The following UNC13B variants were observed in gnomAD, a reference collection of about 807,000 sequenced individuals.
The protein encoded by UNC13B is protein unc-13 homolog B.
Under a neutral mutation model 211.0 loss-of-function variants are expected in UNC13B, and 144 were observed. The observed-to-expected ratio is 0.68, with a 90% CI of 0.60 to 0.78. The LOEUF (loss-of-function observed/expected upper bound fraction) is 0.78, where lower values mean the gene tolerates loss of function less well. Ranked by LOEUF, UNC13B falls within the 30% of genes least tolerant of loss-of-function variation. The pLI is 0.00. For synonymous variants in UNC13B, 709 were observed against 725.8 expected (o/e 0.98, Z 0.37); for missense variants, 1,777 against 2,002.0 (o/e 0.89, Z 2.14).
intron 11 of UNC13B, among the ~76,000 whole-genome samples, chr9:35,362,799 CAAA>C (rs36011341): frequency 3.0e-5 from 3 of 98,824 alleles, no homozygotes; most frequent in African/African-American, 7.2e-5. Flanking sequence ...GACTCCGTCT[CAAA>C]AAAAAAAAAA....
intron 11 of UNC13B, among the ~76,000 whole-genome samples, chr9:35,359,814 C>G (rs1389142003): frequency 1.3e-5 from 2 of 152,192 alleles, no homozygotes; most frequent in African/African-American, 2.4e-5. Flanking sequence ...CTGCAGTGGT[C>G]TCACTGCTCT....
intron 1 of UNC13B, among the ~76,000 whole-genome samples, chr9:35,170,899 G>T (rs1353263460): frequency 6.6e-6 from 1 of 151,932 alleles, no homozygotes; most frequent in Non-Finnish European, 1.5e-5. Context: ...CCTCAATCTT[G>T]CCAAGCTCAG....
chr9:35,240,379 A>G (rs922862044), intron 5 of UNC13B, among the ~76,000 whole-genome samples: 1 of 152,132 alleles, frequency 6.6e-6, no homozygotes, highest in Non-Finnish European at 1.5e-5. Context: ...CTTGTATCCT[A>G]TGGTGATTTA....
rs1337561821 is a variant in UNC13B, at chr9:35,310,549, G to A, written c.9091G>A (p.Glu3031Lys). The A allele has an allele frequency of 5.6e-6, 9 of 1,614,062 alleles. No individual in the cohort carries two copies. The highest frequency in any genetic ancestry group is 1.7e-5 in the Admixed American group (1 of 59,986). ...SQLSELDQYH[E>K]QDDDHRETDS... ...GCTAAGTGAACTAGACCAGTATCAC[G>A]AACAAGATGACGACCATCGGGAGAC... Residue 3031 changes from glutamate to lysine, a missense_variant, in exon 10 of 40, where the codon GAA becomes AAA. Glu to Lys is a moderately conservative substitution (Grantham distance 56). Transcript: ENST00000635942.
At chr9:35,340,817 T>C (rs1201269694) in intron 11 of UNC13B, among the ~76,000 whole-genome samples, 1 of 152,202 alleles carries the variant, frequency 6.6e-6, no homozygotes, top group East Asian at 1.9e-4. Context: ...GTTTTTCATG[T>C]CCTATGGTTG....
In UNC13B at chr9:35,183,227, C is replaced by G. The variant is rs1221053053; in HGVS notation, c.22+20922C>G. Among the ~76,000 whole-genome samples the G allele has an allele frequency of 1.0e-3, 128 of 123,536 alleles. 1 individual carries two copies. The highest frequency in any genetic ancestry group is 6.3e-3 in the Middle Eastern group (1 of 160). 81.0% of individuals were successfully genotyped at this position (123,536 alleles called of 152,430 possible). A position where few individuals can be genotyped will look rare whatever the true frequency, so the allele number is the denominator to read the frequency against. On this transcript the variant is annotated intron_variant, in intron 1 of 39. Transcript: ENST00000635942. ...ATGGGCGGTCGGGCAGAGGCGCTCC[C>G]CACCTCCCAGACGAAGGGCGGCCGG...
chr9:35,260,113 G>A (rs1266175684), intron 7 of UNC13B, among the ~76,000 whole-genome samples: 1 of 150,810 alleles, frequency 6.6e-6, no homozygotes, highest in Non-Finnish European at 1.5e-5. Context: ...GGGAGGCTGA[G>A]GTGGGAGGAT....
intron 7 of UNC13B, among the ~76,000 whole-genome samples, chr9:35,264,039 A>T (rs892194025): frequency 6.6e-6 from 1 of 152,220 alleles, no homozygotes; most frequent in Non-Finnish European, 1.5e-5. Context: ...ATTGTTGCTG[A>T]AACAAATACC....
At chr9:35,280,997 T>C (rs1199183787) in intron 7 of UNC13B, among the ~76,000 whole-genome samples, 1 of 152,086 alleles carries the variant, frequency 6.6e-6, no homozygotes, top group African/African-American at 2.4e-5. Flanking sequence ...CTTCTTGTTA[T>C]AGGTTTCATT....
intron 11 of UNC13B, among the ~76,000 whole-genome samples, chr9:35,347,163 G>C (rs540684819): frequency 6.6e-6 from 1 of 152,154 alleles, no homozygotes; most frequent in Non-Finnish European, 1.5e-5. Flanking sequence ...GCCTCCCAAA[G>C]TGTTGTGATT....
At position 35,385,636 on chromosome 9, in the gene UNC13B, T is replaced by A; in HGVS notation, c.10876-88T>A. On this transcript the variant is annotated intron_variant, in intron 22 of 39. Coordinates refer to ENST00000635942, the MANE Select transcript of UNC13B (RefSeq NM_001371189.2). ...TAGAGAAAAACCCAGTAGGTAACAA[T>A]TAGGGAAGCTTTTGATATCATCACT... 6 of 1,481,080 alleles carry A rather than the reference T, an allele frequency of 4.1e-6. No individual in the cohort carries two copies. The South Asian group carries it at 7.3e-5, about 18-fold the overall frequency. 91.7% of individuals were successfully genotyped at this position (1,481,080 alleles called of 1,614,324 possible). A position where few individuals can be genotyped will look rare whatever the true frequency, so the allele number is the denominator to read the frequency against.
intron 7 of UNC13B, among the ~76,000 whole-genome samples, chr9:35,279,623 G>T (rs1404790589): frequency 6.6e-6 from 1 of 152,118 alleles, no homozygotes; most frequent in Non-Finnish European, 1.5e-5. Context: ...TACTGAAATT[G>T]ATATTTTATA....
In UNC13B at chr9:35,327,783, C is replaced by T. The variant is rs530413102; in HGVS notation, c.9414+13794C>T. 2.6e-5 allele frequency among the ~76,000 whole-genome samples: 4 copies of T among 152,324 alleles called. No individual in the cohort carries two copies. In the South Asian group the frequency reaches 8.3e-4, roughly 32 times the overall value. On this transcript the variant is annotated intron_variant, in intron 11 of 39. Transcript: ENST00000635942. ...CCGTCAATGAAAGCATGTTCTGGAG[C>T]ATTGCAGCCATGAAAGCATGTTCTG...
chr9:35,352,698 T>A (rs758420253), intron 11 of UNC13B: 1 of 1,231,974 alleles, frequency 8.1e-7, no homozygotes, highest in African/African-American at 1.6e-5. Flanking sequence ...GTGCCCAAGC[T>A]AGGGGATGAA....
intron 11 of UNC13B, 126 bp downstream of exon 11, chr9:35,314,115 T>C: frequency 1.3e-6 from 1 of 784,180 alleles, no homozygotes; most frequent in East Asian, 2.6e-5. Context: ...TGCATGACAA[T>C]TAAGCCAGAG....
intron 1 of UNC13B, among the ~76,000 whole-genome samples, chr9:35,221,786 C>T (rs1350135403): frequency 6.6e-6 from 1 of 152,196 alleles, no homozygotes; most frequent in Non-Finnish European, 1.5e-5. Context: ...TTATCTCTCA[C>T]ATTTAGTTCT....
chr9:35,200,133 C>G (rs1270564686), intron 1 of UNC13B, among the ~76,000 whole-genome samples: 1 of 152,074 alleles, frequency 6.6e-6, no homozygotes, highest in African/African-American at 2.4e-5. Context: ...TCAGGTTTGT[C>G]AAAGATCAGA....
chr9:35,404,387 TAG>T lies in UNC13B; in HGVS notation c.*356_*357del. 3.3e-6 allele frequency: 1 copy of T among 301,792 alleles called. No homozygotes were observed. Among genetic ancestry groups the T allele is most frequent in the Admixed American group, 4.5e-5 (1 of 22,286 alleles). The allele number at this position is 301,792 out of a possible 1,614,324, so 18.7% of individuals were successfully genotyped here. On this transcript the variant is annotated 3_prime_UTR_variant, in exon 40 of 40. Transcript: ENST00000635942. ...ATCTCCATGCCACACCTTATCCAGT[TAG>T]ACACATACATACCAATCATTAGAAG...
intron 1 of UNC13B, among the ~76,000 whole-genome samples, chr9:35,195,668 A>G (rs1822895435): frequency 6.6e-6 from 1 of 152,192 alleles, no homozygotes; most frequent in African/African-American, 2.4e-5. Flanking sequence ...TAAGGTCTCA[A>G]ATACCCTTTT....
Sources: allele counts gnomAD v4.1 joint callset (sites outside exome capture counted in the v4.1 genomes callset), GRCh38; gene constraint gnomAD v4.1.1; transcripts MANE v1.5; gene names NCBI Gene and HGNC (gene_info 2026-07-23, HGNC 2026-07-21).